Variants in ATAD2B observed in about 807,000 individuals in gnomAD.
ATAD2B encodes the protein ATPase family AAA domain-containing protein 2B.
Under a neutral mutation model 167.6 loss-of-function variants are expected in ATAD2B, and 40 were observed. The ratio of observed to expected loss-of-function variants is 0.24; its 90% CI spans 0.19 to 0.31. The LOEUF (loss-of-function observed/expected upper bound fraction) is 0.31. Among genes scored for constraint, ATAD2B ranks in the 10% least tolerant of loss-of-function variants. ATAD2B has a pLI of 1.00. For synonymous variants in ATAD2B, 579 were observed against 596.5 expected, an observed-to-expected ratio of 0.97 and a Z score of 0.43; for missense variants, 1,242 against 1,757.2, an observed-to-expected ratio of 0.71 and a Z score of 5.24.
In ATAD2B at chr2:23,867,867, C is replaced by A. The variant is rs1446813875; in HGVS notation, c.1156G>T (p.Ala386Ser). Residue 386 changes from alanine (A) to serine (S), a missense_variant, in exon 10 of 28, where the codon GCT becomes TCT. By Grantham distance (99) the Ala-to-Ser change is moderately conservative (BLOSUM62 1). Around this residue, in one of 9 missense-constraint regions of ATAD2B, gnomAD observed 127 missense variants for 146.3 expected, o/e 0.87. Coordinates refer to ENST00000238789, the MANE Select transcript of ATAD2B (RefSeq NM_017552.4). The part of the protein sequence containing the change: ...RERVKVGASL[A>S]DVDPMNIDKS... ...TCAATGTTCATTGGATCAACATCAG[C>A]CAAGCTTGCACCCACTTTCACTCGT... 1.9e-6 allele frequency: 3 copies of A among 1,613,162 alleles called. No individual in the cohort carries two copies. Among genetic ancestry groups the A allele is most frequent in the Non-Finnish European group, 2.5e-6 (3 of 1,179,500 alleles).
intron 12 of ATAD2B, among the ~76,000 whole-genome samples, chr2:23,861,880 G>A (rs189447776): frequency 4.6e-5 from 7 of 152,216 alleles, no homozygotes; most frequent in African/African-American, 1.7e-4. Context: ...TCTAAATCTA[G>A]CAGTTTTTGA....
the ATAD2B span, among the ~76,000 whole-genome samples, chr2:23,701,792 GCTTT>G: frequency 8.5e-5 from 3 of 35,236 alleles, 1 homozygote; most frequent in African/African-American, 1.7e-4. Flanking sequence ...GCTTTTTTTT[GCTTT>G]TTTTTTTTTT....
At chr2:23,908,073 G>A (rs1256687266) in intron 1 of ATAD2B, among the ~76,000 whole-genome samples, 1 of 152,134 alleles carries the variant, frequency 6.6e-6, no homozygotes, top group African/African-American at 2.4e-5. Flanking sequence ...CAGGACATAG[G>A]CAATGGGCAA....
intron 22 of ATAD2B, among the ~76,000 whole-genome samples, chr2:23,769,964 G>A (rs1448923407): frequency 2.0e-5 from 3 of 151,388 alleles, no homozygotes; most frequent in Non-Finnish European, 2.9e-5. Context: ...GATTACAGGC[G>A]TGAGCAACTG....
rs543003824 is a variant in ATAD2B, at chr2:23,751,261, A to G, written c.*785T>C. 7 of 152,234 alleles carry G rather than the reference A, an allele frequency of 4.6e-5. No homozygotes were observed. Among genetic ancestry groups the G allele is most frequent in the Non-Finnish European group, 7.4e-5 (5 of 67,996 alleles). The allele number at this position is 152,234 out of a possible 1,614,324, so 9.4% of individuals were successfully genotyped here. ...TTTCTTAAACCAAAACAGACCTTAC[A>G]AGAAAACTTACCATTTTAGTATATT... is the stretch of plus-strand genomic sequence containing the variant. On this transcript the variant is annotated 3_prime_UTR_variant, in exon 28 of 28. Transcript: ENST00000238789.
In ATAD2B at chr2:23,903,956, G is replaced by GGTGGTA. The variant is rs1441207762; in HGVS notation, c.217-7992_217-7987dup. ...GGTTGTTGTTGGTGGTGGTGGTGGTGGTGGTAGTGGTGATGGTGGTGTGGG... is the reference window on the plus strand; with the variant it reads ...GGTTGTTGTTGGTGGTGGTGGTGGTGGTGGTAGTGGTAGTGGTGATGGTGGTGTGGG... On this transcript the variant is annotated intron_variant, in intron 1 of 27. Coordinates refer to ENST00000238789, the MANE Select transcript of ATAD2B (RefSeq NM_017552.4). 4.6e-5 allele frequency among the ~76,000 whole-genome samples: 7 copies of GGTGGTA among 152,144 alleles called. No homozygotes were observed. The South Asian group carries it at 1.2e-3, about 27-fold the overall frequency.
intron 1 of ATAD2B, chr2:23,901,127 C>T (rs1700778027): frequency 6.2e-6 from 1 of 161,522 alleles, no homozygotes; most frequent in Non-Finnish European, 1.4e-5. Context: ...GAGTCATCCA[C>T]AGCCTCTGCC....
At chr2:23,881,331 AGTTT>A (rs1222042761) in intron 6 of ATAD2B, among the ~76,000 whole-genome samples, 1 of 146,696 alleles carries the variant, frequency 6.8e-6, no homozygotes, top group African/African-American at 2.5e-5. Context: ...TATTGGTAAT[AGTTT>A]ATTTCTTGAC....
intron 13 of ATAD2B, among the ~76,000 whole-genome samples, chr2:23,847,908 G>A (rs1034016681): frequency 5.3e-5 from 8 of 149,820 alleles, no homozygotes; most frequent in Non-Finnish European, 8.9e-5. Context: ...CAGGAGAATC[G>A]CTTGAACCCA....
At chr2:23,874,350 T>A (rs1249676822) in intron 8 of ATAD2B, among the ~76,000 whole-genome samples, 1 of 151,998 alleles carries the variant, frequency 6.6e-6, no homozygotes, top group Non-Finnish European at 1.5e-5. Context: ...GACCTCTGAG[T>A]TGGCAATGGA....
rs559976387 is a variant in ATAD2B at position 23,774,825 on chromosome 2, G to A, written c.3133+8044C>T. Among the ~76,000 whole-genome samples the A allele has an allele frequency of 1.6e-4, 24 of 152,316 alleles. 1 individual carries two copies. The South Asian group carries it at 2.1e-3, about 13-fold the overall frequency. On this transcript the variant is annotated intron_variant, in intron 22 of 27. Transcript: ENST00000238789. ...TGAGGCAGGAGAATCGCTTGAACCC[G>A]GGAGGCGGGGATTGCAGTGAGCTGA...
chr2:23,885,470 A>G (rs947692244), intron 5 of ATAD2B, among the ~76,000 whole-genome samples: 5 of 152,236 alleles, frequency 3.3e-5, no homozygotes, highest in Non-Finnish European at 5.9e-5. Context: ...GGTTCAAATC[A>G]GAAGAATAAC....
the ATAD2B span, among the ~76,000 whole-genome samples, chr2:23,741,644 C>T: frequency 2.1e-4 from 32 of 152,154 alleles, no homozygotes; most frequent in Non-Finnish European, 4.1e-4. Flanking sequence ...TAGGCATGGG[C>T]AAGGACGTCA....
At chr2:23,735,175 A>G in the ATAD2B span, among the ~76,000 whole-genome samples, 1 of 152,184 alleles carries the variant, frequency 6.6e-6, no homozygotes, top group Non-Finnish European at 1.5e-5. Flanking sequence ...ATCTTCCACC[A>G]TACTCCCTTG....
chr2:23,896,657 G>T (rs1270328070), intron 1 of ATAD2B, among the ~76,000 whole-genome samples: 1 of 152,074 alleles, frequency 6.6e-6, no homozygotes, highest in Non-Finnish European at 1.5e-5. Context: ...ATCAGGAAAT[G>T]AACATTGGTA....
At chr2:23,876,999 G>A (rs376916740) in intron 7 of ATAD2B, among the ~76,000 whole-genome samples, 5 of 150,494 alleles carry the variant, frequency 3.3e-5, no homozygotes, top group Non-Finnish European at 7.4e-5. Context: ...CCTAGGAGGC[G>A]GAGGTTGCAG....
intron 17 of ATAD2B, among the ~76,000 whole-genome samples, chr2:23,817,126 C>T (rs886881509): frequency 6.6e-6 from 1 of 152,154 alleles, no homozygotes; most frequent in Non-Finnish European, 1.5e-5. Context: ...AAAGTGTATG[C>T]TTCTTGGAGA....
intron 8 of ATAD2B, among the ~76,000 whole-genome samples, chr2:23,874,919 G>C (rs1414782547): frequency 1.3e-5 from 2 of 149,344 alleles, no homozygotes; most frequent in African/African-American, 4.9e-5. Flanking sequence ...AGCCAGGTGT[G>C]GTGGCGAATG....
At chr2:23,678,139 AT>A in the ATAD2B span, among the ~76,000 whole-genome samples, 3 of 152,184 alleles carry the variant, frequency 2.0e-5, no homozygotes, top group African/African-American at 7.2e-5. Context: ...TTGGTGAAAA[AT>A]ATGCAGAAGT....
Sources: allele counts gnomAD v4.1 joint callset (sites outside exome capture counted in the v4.1 genomes callset), GRCh38; gene constraint gnomAD v4.1.1; regional missense constraint gnomAD v4.1.1; transcripts MANE v1.5; gene names NCBI Gene and HGNC (gene_info 2026-07-23, HGNC 2026-07-21).